The following PURG variants were observed in gnomAD, a reference collection of about 807,000 sequenced individuals.
The protein encoded by PURG is purine rich element binding protein G, also known as purine-rich element-binding protein gamma.
Under a neutral mutation model 24.3 loss-of-function variants are expected in PURG, and 3 were observed. The observed-to-expected ratio is 0.12, with a 90% CI of 0.06 to 0.32. The LOEUF is 0.32. Among genes scored for constraint, PURG ranks in the 10% least tolerant of loss-of-function variants. The pLI is 1.00. For missense variants in PURG, 371 were observed against 439.1 expected, an observed-to-expected ratio of 0.84 and a Z score of 1.39; for synonymous variants, 180 against 173.1, an observed-to-expected ratio of 1.04 and a Z score of -0.31.
chr8:31,021,078 T>G (rs1422846622), intron 1 of PURG, among the ~76,000 whole-genome samples: 2 of 152,046 alleles, frequency 1.3e-5, no homozygotes, highest in Non-Finnish European at 2.9e-5. Flanking sequence ...TGTACTGGAA[T>G]TAAGAGAAAG....
downstream of PURG, among the ~76,000 whole-genome samples, chr8:31,027,957 G>A (rs1811120718): frequency 6.6e-6 from 1 of 151,494 alleles, no homozygotes; most frequent in South Asian, 2.1e-4. Flanking sequence ...TACTTCTTTA[G>A]TCTGAATGTT....
chr8:31,024,186 C>T (rs1293216888), intron 1 of PURG, among the ~76,000 whole-genome samples: 1 of 152,096 alleles, frequency 6.6e-6, no homozygotes, highest in Non-Finnish European at 1.5e-5. Context: ...ATAAAACTGA[C>T]ATTTTTTTGC....
chr8:31,012,337 T>TTA (rs1225894914), intron 1 of PURG, among the ~76,000 whole-genome samples: 3 of 152,184 alleles, frequency 2.0e-5, no homozygotes, highest in Non-Finnish European at 4.4e-5. Context: ...GTCTTATTGA[T>TTA]TATATATATA....
Position 31,032,466 on chromosome 8 carries a change from G to A in PURG, c.317C>T (p.Thr106Ile). The change falls in exon 2 of 2, where the codon ACC becomes ATC. Residue 106 changes from threonine to isoleucine, a missense_variant. Physicochemically the swap from Thr to Ile is moderately conservative, Grantham distance 89. Transcript: ENST00000523392. This position sits in a 1 kb window ranked among gnomAD's most constrained non-coding sequence, Gnocchi z 5.9. Reference protein sequence around the residue: ...RQDNIRKSKLTLSLSVAAELK... With the variant: ...RQDNIRKSKLILSLSVAAELK... ...CTCCGCTGCCACAGACAGGGAGAGG[G>A]TCAGTTTACTCTTTCTGATGTTGTC... The A allele has an allele frequency of 6.2e-7, 1 of 1,614,208 alleles. No individual in the cohort carries two copies. The highest frequency in any genetic ancestry group is 2.2e-5 in the East Asian group (1 of 44,872).
chr8:31,009,112 T>C (rs1227159648), intron 1 of PURG, among the ~76,000 whole-genome samples: 1 of 152,158 alleles, frequency 6.6e-6, no homozygotes, highest in African/African-American at 2.4e-5. Context: ...ATGAAACTTC[T>C]GTGGCCATAA....
chr8:31,006,713 G>A (rs966570315), intron 1 of PURG, among the ~76,000 whole-genome samples: 12 of 152,146 alleles, frequency 7.9e-5, no homozygotes, highest in African/African-American at 2.7e-4. Flanking sequence ...TTAGGTTAGA[G>A]GGGAAAAATA....
At position 31,031,690 on chromosome 8, in the gene PURG, T is replaced by C. The variant is rs1811207703; in HGVS notation, c.*49A>G. On this transcript the variant is annotated 3_prime_UTR_variant, in exon 2 of 2. Transcript: ENST00000523392. Reference sequence around the variant, plus strand: ...TTCAAAGGATAATGGATCAGTACTTTTAGCCAATTTGTGATTTTAAATTTT... The same window carrying C: ...TTCAAAGGATAATGGATCAGTACTTCTAGCCAATTTGTGATTTTAAATTTT... 2 of 1,488,236 alleles carry C rather than the reference T, an allele frequency of 1.3e-6. No individual in the cohort carries two copies. Among genetic ancestry groups the C allele is most frequent in the African/African-American group, 1.4e-5 (1 of 70,914 alleles). The allele number at this position is 1,488,236 out of a possible 1,614,324, so 92.2% of individuals were successfully genotyped here.
Position 31,033,137 on chromosome 8 carries a change from C to A in PURG, c.-66G>T. 1 of 222,228 alleles carries A rather than the reference C, an allele frequency of 4.5e-6. No homozygotes were observed. 13.8% of individuals were successfully genotyped at this position (222,228 alleles called of 1,614,324 possible). A position where few individuals can be genotyped will look rare whatever the true frequency, so the allele number is the denominator to read the frequency against. On this transcript the variant is annotated 5_prime_UTR_variant, in exon 1 of 2. Coordinates refer to ENST00000523392, the MANE Select transcript of PURG (RefSeq NM_001323311.2). The stretch of plus-strand genomic sequence containing the variant: ...TTCACGACCACCGCCGCCGCCACCG[C>A]CAGCTCTCGGCCCCTCTGCTGCAGC...
At position 31,032,317 on chromosome 8, in the gene PURG, A is replaced by C. The variant is rs1267843632; in HGVS notation, c.466T>G (p.Ser156Ala). ...TCGGACCCCACCGAGACTGGTGGGG[A>C]GGGTGCCGAGTGCTTCTGCCTCCTT... is the stretch of plus-strand genomic sequence containing the variant. ...SRRRQKHSAP[S>A]PPVSVGSEEH... Residue 156 changes from serine (S) to alanine (A), a missense_variant, in exon 2 of 2, where the codon TCC becomes GCC. Transcript: ENST00000523392. This position sits in a 1 kb window ranked among gnomAD's most constrained non-coding sequence, Gnocchi z 5.9. 1 of 1,609,922 alleles carries C rather than the reference A, an allele frequency of 6.2e-7. No homozygotes were observed. The highest frequency in any genetic ancestry group is 1.7e-5 in the Admixed American group (1 of 59,740).
chr8:31,019,201 A>G (rs1463637424), intron 1 of PURG, among the ~76,000 whole-genome samples: 1 of 131,168 alleles, frequency 7.6e-6, no homozygotes, highest in Non-Finnish European at 1.6e-5. Context: ...ATATGGCTTT[A>G]ATTTTGATCA....
Position 31,032,520 on chromosome 8 carries a change from G to C in PURG, c.263C>G (p.Ala88Gly). ...CCGGCCTCTCCCTATCCAGACTTCG[G>C]CTATCTTTAGGAAGCGGCCCCGGGA... The part of the protein sequence containing the change: ...QSSRGRFLKI[A>G]EVWIGRGRQD... The change falls in exon 2 of 2, where the codon GCC becomes GGC. Residue 88 changes from alanine (A) to glycine (G), a missense_variant. Coordinates refer to ENST00000523392, the MANE Select transcript of PURG (RefSeq NM_001323311.2). The surrounding 1 kb of genome is among the most constrained non-coding windows in gnomAD (Gnocchi z 5.9). 6.2e-7 allele frequency: 1 copy of C among 1,614,218 alleles called. No individual in the cohort carries two copies. The highest frequency in any genetic ancestry group is 8.5e-7 in the Non-Finnish European group (1 of 1,180,046).
intron 1 of PURG, among the ~76,000 whole-genome samples, chr8:31,025,058 A>G (rs1050172675): frequency 1.3e-5 from 2 of 152,050 alleles, no homozygotes; most frequent in African/African-American, 4.8e-5. Context: ...CTTCATATTC[A>G]TATCACAAAG....
Position 31,032,683 on chromosome 8 carries a change from C to A in PURG, c.100G>T (p.Ala34Ser). ...GLSKSRLYPQ[A>S]QHSHYPHYAA... ...TAGTGGGGGTAGTGGGAGTGCTGGG[C>A]CTGGGGATAGAGTCTACTCTTGCTT... Residue 34 changes from alanine (A) to serine (S), a missense_variant, in exon 2 of 2, where the codon GCC (alanine) becomes TCC (serine). Coordinates refer to ENST00000523392, the MANE Select transcript of PURG (RefSeq NM_001323311.2). This position sits in a 1 kb window ranked among gnomAD's most constrained non-coding sequence, Gnocchi z 5.9. 6.5e-7 allele frequency: 1 copy of A among 1,544,320 alleles called. No homozygotes were observed. Among genetic ancestry groups the A allele is most frequent in the Non-Finnish European group, 8.7e-7 (1 of 1,145,184 alleles).
In PURG at chr8:31,032,471, T is replaced by C; in HGVS notation, c.312A>G (p.Lys104=). Residue 104 remains lysine (K), a synonymous_variant, in exon 2 of 2, where the codon AAA becomes AAG. Coordinates refer to ENST00000523392, the MANE Select transcript of PURG (RefSeq NM_001323311.2). This position sits in a 1 kb window ranked among gnomAD's most constrained non-coding sequence, Gnocchi z 5.9. ...RGRQDNIRKS[K]LTLSLSVAAE... ...CTGCCACAGACAGGGAGAGGGTCAG[T>C]TTACTCTTTCTGATGTTGTCCTGCC... 4 of 1,614,196 alleles carry C rather than the reference T, an allele frequency of 2.5e-6. No homozygotes were observed. Among genetic ancestry groups the C allele is most frequent in the Non-Finnish European group, 2.5e-6 (3 of 1,180,032 alleles).
chr8:31,022,160 G>A (rs946469684), intron 1 of PURG, among the ~76,000 whole-genome samples: 8 of 151,972 alleles, frequency 5.3e-5, no homozygotes, highest in African/African-American at 1.5e-4. Flanking sequence ...TAGTAGAGAC[G>A]GAGTTTAACC....
chr8:31,022,306 C>G (rs750500100), intron 1 of PURG, among the ~76,000 whole-genome samples: 1 of 152,148 alleles, frequency 6.6e-6, no homozygotes, highest in Non-Finnish European at 1.5e-5. Context: ...CAATCATGCT[C>G]GTCAAAAATA....
chr8:30,996,785 C>T, intron 1 of PURG: 1 of 1,021,078 alleles, frequency 9.8e-7, no homozygotes. Flanking sequence ...CATAATTAAT[C>T]TCGTTGAAAA....
At chr8:31,002,400 G>A (rs1218722406) in intron 1 of PURG, among the ~76,000 whole-genome samples, 4 of 152,084 alleles carry the variant, frequency 2.6e-5, no homozygotes, top group Non-Finnish European at 5.9e-5. Context: ...TGATGTGTTG[G>A]AACTCTTGAA....
At chr8:30,998,274 C>A (rs1398801452) in intron 1 of PURG, among the ~76,000 whole-genome samples, 1 of 151,590 alleles carries the variant, frequency 6.6e-6, no homozygotes, top group Admixed American at 6.6e-5. Context: ...AACAATTTTT[C>A]TGTTAAGTTA....
Sources: gnomAD v4.1 joint callset for allele counts (sites outside exome capture counted in the v4.1 genomes callset) on GRCh38, gnomAD v4.1.1 for gene constraint, Gnocchi (gnomAD v3.1) non-coding constraint, MANE v1.5 for transcripts, NCBI Gene and HGNC (gene_info 2026-07-23, HGNC 2026-07-21) for gene names.